The following DNAI4 variants were observed in gnomAD, a reference collection of about 807,000 sequenced individuals.
DNAI4 encodes dynein axonemal intermediate chain 4, also known as WD repeat domain 78.
In DNAI4, 85 loss-of-function variants were observed where a neutral mutation model predicts 105.8. That is an observed-to-expected ratio of 0.80 (90% CI 0.67 to 0.96). The LOEUF is 0.96. DNAI4 is among the 40% of genes least tolerant of loss of function. The pLI is 0.00. For missense variants in DNAI4, 1,014 were observed against 1,005.6 expected (o/e 1.01, Z -0.11); for synonymous variants, 352 against 331.5 (o/e 1.06, Z -0.67).
intron 1 of DNAI4, among the ~76,000 whole-genome samples, chr1:66,921,905 T>G (rs1425883925): frequency 6.6e-6 from 1 of 151,630 alleles, no homozygotes; most frequent in Non-Finnish European, 1.5e-5. Context: ...ATTTTTTTTT[T>G]TTTTTTTTTG....
Position 66,871,459 on chromosome 1 carries a change from T to C in DNAI4, c.851A>G (p.Asp284Gly). 1 of 1,610,770 alleles carries C rather than the reference T, an allele frequency of 6.2e-7. No homozygotes were observed. The highest frequency in any genetic ancestry group is 8.5e-7 in the Non-Finnish European group (1 of 1,178,340). ...EVLCRNRLGN[D>G]LYVERMMQTF... Reference sequence around the variant, plus strand: ...CTGCATCATCCTTTCAACATATAGGTCATTGCCTAATCTGTTTCTACAAAG... The same window carrying C: ...CTGCATCATCCTTTCAACATATAGGCCATTGCCTAATCTGTTTCTACAAAG... The change falls in exon 6 of 17, where the codon GAC (aspartate) becomes GGC (glycine). Residue 284 changes from aspartate to glycine, a missense_variant. Asp to Gly is a moderately conservative substitution (Grantham distance 94, BLOSUM62 -1). Transcript: ENST00000371026.
At chr1:66,850,355 T>C (rs1043682626) in intron 7 of DNAI4, among the ~76,000 whole-genome samples, 1 of 151,748 alleles carries the variant, frequency 6.6e-6, no homozygotes, top group Admixed American at 6.6e-5. Flanking sequence ...CTATACCCAG[T>C]GAATTATCCT....
At chr1:66,882,510 C>T (rs1647094519) in intron 4 of DNAI4, among the ~76,000 whole-genome samples, 1 of 109,488 alleles carries the variant, frequency 9.1e-6, no homozygotes, top group South Asian at 2.3e-4. Flanking sequence ...TGTGTCTATG[C>T]TCTCTCTCTC....
intron 1 of DNAI4, among the ~76,000 whole-genome samples, chr1:66,919,822 CA>C (rs1391338451): frequency 1.3e-5 from 2 of 152,128 alleles, no homozygotes; most frequent in African/African-American, 4.8e-5. Context: ...CTTTTCACCC[CA>C]AAGAAAAAAT....
In DNAI4 at chr1:66,920,493, A is replaced by G. The variant is rs144286074; in HGVS notation, c.170+4169T>C. 5.1e-3 allele frequency among the ~76,000 whole-genome samples: 777 copies of G among 152,308 alleles called. 6 individuals are homozygous for G. Among genetic ancestry groups the G allele is most frequent in the Non-Finnish European group, 7.7e-3 (521 of 68,016 alleles). On this transcript the variant is annotated intron_variant, in intron 1 of 16. Transcript: ENST00000371026. ...TAGATGGCAAAGCTAAAAGGGCACT[A>G]TAACACCTCCTCTGGGGTTTTGGGC...
intron 1 of DNAI4, 45 bp downstream of exon 1, chr1:66,924,617 C>T (rs773337180): frequency 8.7e-6 from 14 of 1,613,480 alleles, no homozygotes; most frequent in South Asian, 5.5e-5. Flanking sequence ...GGGCTCCCTC[C>T]GGGTCCCAGG....
At chr1:66,854,033 G>A (rs150988427) in intron 7 of DNAI4, among the ~76,000 whole-genome samples, 389 of 152,228 alleles carry the variant, frequency 2.6e-3, no homozygotes, top group African/African-American at 8.9e-3. Context: ...CCACATACAA[G>A]AAAAACATAG....
chr1:66,827,962 G>A, intron 13 of DNAI4, 52 bp from the exon 14 acceptor site: 2 of 1,148,554 alleles, frequency 1.7e-6, no homozygotes, highest in East Asian at 2.5e-5. Context: ...TAGTAAGTGT[G>A]ATAAATAGAA....
chr1:66,891,511 T>C (rs1647645093), intron 3 of DNAI4, among the ~76,000 whole-genome samples: 1 of 152,210 alleles, frequency 6.6e-6, no homozygotes, highest in African/African-American at 2.4e-5. Flanking sequence ...ACCCAGGCTG[T>C]AGTGCAGTGG....
At chr1:66,822,338 A>AC in intron 16 of DNAI4, 23 bp downstream of exon 16, 1 of 1,574,868 alleles carries the variant, frequency 6.3e-7, no homozygotes, top group Non-Finnish European at 8.6e-7. Flanking sequence ...AATGACACAA[A>AC]TTTTTTTACT....
At chr1:66,917,655 T>C (rs1278796018) in intron 1 of DNAI4, among the ~76,000 whole-genome samples, 1 of 152,202 alleles carries the variant, frequency 6.6e-6, no homozygotes, top group Non-Finnish European at 1.5e-5. Context: ...CTTTTAAGAG[T>C]TTAGTATACT....
At chr1:66,855,239 C>T (rs1393171127) in intron 7 of DNAI4, among the ~76,000 whole-genome samples, 1 of 152,220 alleles carries the variant, frequency 6.6e-6, no homozygotes, top group Non-Finnish European at 1.5e-5. Flanking sequence ...CTTGCCTCAC[C>T]ATTCCTTTCC....
intron 1 of DNAI4, 82 bp from the exon 2 acceptor site, chr1:66,905,457 T>C (rs1368248713): frequency 9.1e-6 from 8 of 877,000 alleles, no homozygotes; most frequent in Non-Finnish European, 1.3e-5. Flanking sequence ...GTAGATTTCC[T>C]GTAAAAACAT....
Position 66,836,304 on chromosome 1 carries a change from GAAAGAAAGAAAGAAAGAAA to G in DNAI4, c.1582-546_1582-528del, listed in dbSNP as rs1557909101. ...AGAAAGAAAGAAAGAAAGAAAGAAA[GAAAGAAAGAAAGAAAGAAA>G]GAAGGAAAGAGGGAAGGAAGGGAGG... On this transcript the variant is annotated intron_variant, in intron 10 of 16. Coordinates refer to ENST00000371026, the MANE Select transcript of DNAI4 (RefSeq NM_024763.5). Among the ~76,000 whole-genome samples, 87 of 150,286 alleles carry G rather than the reference GAAAGAAAGAAAGAAAGAAA, an allele frequency of 5.8e-4. 1 individual carries two copies. Among genetic ancestry groups the G allele is most frequent in the Middle Eastern group, 3.4e-3 (1 of 294 alleles).
rs574127967 is a variant in DNAI4 at position 66,879,468 on chromosome 1, T to G, written c.644-4531A>C. On this transcript the variant is annotated intron_variant, in intron 4 of 16. Transcript: ENST00000371026. ...TCTTGGTTGCTTCTAGTCTTCTGCA[T>G]TGATGATTCAGCTGCTAGAAACTTT... Among the ~76,000 whole-genome samples, 5 of 152,378 alleles carry G rather than the reference T, an allele frequency of 3.3e-5. No individual in the cohort carries two copies. In the East Asian group the frequency reaches 9.6e-4, roughly 29 times the overall value.
At chr1:66,882,524 C>CT (rs1553225111) in intron 4 of DNAI4, among the ~76,000 whole-genome samples, 47 of 150,794 alleles carry the variant, frequency 3.1e-4, no homozygotes, top group East Asian at 1.6e-3. Context: ...CTCTCTCTCT[C>CT]TTTTTTTTTG....
chr1:66,871,618 C>T (rs1569680766), intron 5 of DNAI4, 109 bp from the exon 6 acceptor site: 2 of 1,154,772 alleles, frequency 1.7e-6, no homozygotes, highest in East Asian at 2.5e-5. Context: ...GTGGCTTGCA[C>T]CAAAAAGTGA....
intron 6 of DNAI4, among the ~76,000 whole-genome samples, chr1:66,864,624 G>A (rs1173738015): frequency 6.6e-6 from 1 of 152,132 alleles, no homozygotes; most frequent in Non-Finnish European, 1.5e-5. Context: ...GGCTGAGGCG[G>A]GCAGATCACG....
chr1:66,834,309 A>G (rs747914518), intron 11 of DNAI4, among the ~76,000 whole-genome samples, 161 bp from the exon 12 acceptor site: 14 of 152,076 alleles, frequency 9.2e-5, no homozygotes, highest in Non-Finnish European at 1.9e-4. Flanking sequence ...TTTTTAAAAA[A>G]GAAAAGACAA....
Sources: gnomAD v4.1 joint callset for allele counts (sites outside exome capture counted in the v4.1 genomes callset) on GRCh38, gnomAD v4.1.1 for gene constraint, MANE v1.5 for transcripts, NCBI Gene and HGNC (gene_info 2026-07-23, HGNC 2026-07-21) for gene names.